The following HEXB variants were observed in gnomAD, a reference collection of about 807,000 sequenced individuals.
HEXB encodes the protein hexosaminidase subunit beta.
A neutral mutation model predicts 71.2 loss-of-function variants in HEXB; 51 were observed. The observed-to-expected ratio is 0.72, with a 90% CI of 0.57 to 0.90. HEXB has a LOEUF of 0.90. Ranked by LOEUF, HEXB falls within the 40% of genes least tolerant of loss-of-function variation. The probability of loss-of-function intolerance (pLI) is 0.00; values close to 1 mark genes in which losing one functional copy is unlikely to be tolerated. For missense variants in HEXB, 617 were observed against 677.0 expected (o/e 0.91, Z 0.98); for synonymous variants, 266 against 249.3 (o/e 1.07, Z -0.63).
chr5:74,686,188 TCTCC>T (rs748143930), intron 1 of HEXB, among the ~76,000 whole-genome samples: 18 of 152,154 alleles, frequency 1.2e-4, no homozygotes, highest in South Asian at 4.1e-4. Context: ...TGTTGCCTGC[TCTCC>T]CTGCTTCCTC....
rs181015637 is a variant in HEXB at position 74,656,753 on chromosome 5, A to C, written c.-377+16195A>C. On this transcript the variant is annotated intron_variant, in intron 1 of 13. Coordinates refer to the HEXB transcript ENST00000511181. ...CAGCCTCCTGAGGAGCTGGGATTAC[A>C]GGCACATGCCACCACACCCAGCTAA... 1.4e-3 allele frequency among the ~76,000 whole-genome samples: 211 copies of C among 152,216 alleles called. 1 individual carries two copies. Among genetic ancestry groups the C allele is most frequent in the African/African-American group, 4.7e-3 (196 of 41,554 alleles).
upstream of HEXB, chr5:74,685,007 C>T (rs1748821879): frequency 4.0e-6 from 2 of 495,944 alleles, no homozygotes; most frequent in South Asian, 6.1e-5. Flanking sequence ...CTTTAGCCAT[C>T]CCGTGTTTGA....
chr5:74,665,876 A>G (rs1748423240), intron 1 of HEXB, among the ~76,000 whole-genome samples: 1 of 152,196 alleles, frequency 6.6e-6, no homozygotes, highest in Non-Finnish European at 1.5e-5. Context: ...CACATCAACA[A>G]TTCTCAGTCA....
chr5:74,685,669 T>G, intron 1 of HEXB, 110 bp downstream of exon 1: 1 of 995,032 alleles, frequency 1.0e-6, no homozygotes, highest in South Asian at 1.7e-5. Context: ...AGAAACCGCC[T>G]GGGAGCTGGC....
chr5:74,697,234 C>T (rs1749133520), intron 5 of HEXB, 128 bp downstream of exon 5: 2 of 671,206 alleles, frequency 3.0e-6, no homozygotes, highest in South Asian at 3.3e-5. Context: ...GCATTCTTTC[C>T]TCAGTTCCTA....
intron 6 of HEXB, among the ~76,000 whole-genome samples, chr5:74,708,185 A>C (rs1749450924): frequency 6.6e-6 from 1 of 151,750 alleles, no homozygotes; most frequent in Non-Finnish European, 1.5e-5. Context: ...ATATCCAGCC[A>C]AACTAAGCTT....
At chr5:74,671,195 T>C (rs1256816169) in intron 1 of HEXB, among the ~76,000 whole-genome samples, 1 of 152,024 alleles carries the variant, frequency 6.6e-6, no homozygotes, top group African/African-American at 2.4e-5. Flanking sequence ...CCAAGACCCA[T>C]AAAAATAATA....
intron 1 of HEXB, among the ~76,000 whole-genome samples, chr5:74,663,336 G>C (rs781328274): frequency 6.6e-6 from 1 of 151,596 alleles, no homozygotes; most frequent in African/African-American, 2.4e-5. Context: ...GAGTACAGGC[G>C]CCCGCCACCA....
At position 74,655,953 on chromosome 5, in the gene HEXB, A is replaced by C. The variant is rs542614694; in HGVS notation, c.-377+15395A>C. Among the ~76,000 whole-genome samples, 18 of 152,330 alleles carry C rather than the reference A, an allele frequency of 1.2e-4. No individual in the cohort carries two copies. In the South Asian group the frequency reaches 3.7e-3, roughly 32 times the overall value. On this transcript the variant is annotated intron_variant, in intron 1 of 13. Coordinates refer to the HEXB transcript ENST00000511181. ...GATGACAGTCACATAAATATTCTGA[A>C]GTGACATAATTCTTCAAGGAAAAGG...
intron 5 of HEXB, among the ~76,000 whole-genome samples, chr5:74,703,862 A>G (rs1390280370): frequency 6.6e-6 from 1 of 152,176 alleles, no homozygotes; most frequent in Non-Finnish European, 1.5e-5. Flanking sequence ...ATTTTTTAGT[A>G]GAGATAGGGT....
chr5:74,720,144 A>G (rs1323668896), intron 11 of HEXB: 2 of 411,770 alleles, frequency 4.9e-6, no homozygotes, highest in South Asian at 5.4e-5. Context: ...AACCAAAATA[A>G]AACTGTTTAA....
chr5:74,651,935 T>C (rs535921005), intron 1 of HEXB, among the ~76,000 whole-genome samples: 2 of 152,204 alleles, frequency 1.3e-5, no homozygotes, highest in Non-Finnish European at 2.9e-5. Context: ...AATTCGAACA[T>C]GCCAGCACAA....
Position 74,661,513 on chromosome 5 carries a change from C to G in HEXB, c.-377+20955C>G, listed in dbSNP as rs10038959. ...AGTCATGAATTCATTTTCTCTCTCT[C>G]TGTGTGTGTGTGTGTGTGTGTGTGT... On this transcript the variant is annotated intron_variant, in intron 1 of 13. Coordinates refer to the HEXB transcript ENST00000511181. Among the ~76,000 whole-genome samples, 910 of 84,886 alleles carry G rather than the reference C, an allele frequency of 0.011. 32 individuals carry two copies. In the East Asian group the frequency reaches 0.18, roughly 16 times the overall value. The allele number at this position is 84,886 out of a possible 152,430, so 55.7% of individuals were successfully genotyped here.
intron 1 of HEXB, among the ~76,000 whole-genome samples, chr5:74,654,990 G>C (rs1561202385): frequency 6.6e-6 from 1 of 152,174 alleles, no homozygotes; most frequent in Admixed American, 6.5e-5. Context: ...CCTGAAGCTG[G>C]TGTTTGACCT....
intron 11 of HEXB, among the ~76,000 whole-genome samples, chr5:74,719,387 TTG>T (rs1176805092): frequency 1.3e-5 from 2 of 152,174 alleles, no homozygotes; most frequent in African/African-American, 4.8e-5. Context: ...TCAGGCTGTG[TTG>T]TCTTAGGATT....
chr5:74,714,574 C>T (rs1209306848), intron 7 of HEXB, among the ~76,000 whole-genome samples: 1 of 152,182 alleles, frequency 6.6e-6, no homozygotes, highest in Non-Finnish European at 1.5e-5. Context: ...TGATTAAGAA[C>T]TTTGGCTTTG....
chr5:74,663,329 T>C (rs374569456), intron 1 of HEXB, among the ~76,000 whole-genome samples: 37 of 151,910 alleles, frequency 2.4e-4, no homozygotes, highest in East Asian at 2.1e-3. Flanking sequence ...TAGCTGGGAG[T>C]ACAGGCGCCC....
chr5:74,658,045 C>A (rs1459533346), intron 1 of HEXB, among the ~76,000 whole-genome samples: 7 of 152,172 alleles, frequency 4.6e-5, no homozygotes, highest in African/African-American at 1.7e-4. Context: ...TGTCTACTGC[C>A]TGTGAATCCC....
rs983564151 is a variant in HEXB at position 74,648,528 on chromosome 5, C to T, written c.-377+7970C>T. 2.6e-5 allele frequency among the ~76,000 whole-genome samples: 4 copies of T among 151,438 alleles called. No individual in the cohort carries two copies. The East Asian group carries it at 7.7e-4, about 29-fold the overall frequency. On this transcript the variant is annotated intron_variant, in intron 1 of 13. Transcript: ENST00000511181. ...TATTTTCTGTTCTTCAGCTTTACCC[C>T]ACAGTTATATTGCCCTTATACTGTC...
Sources: gnomAD v4.1 joint callset for allele counts (sites outside exome capture counted in the v4.1 genomes callset) on GRCh38, gnomAD v4.1.1 for gene constraint, MANE v1.5 for transcripts, NCBI Gene and HGNC (gene_info 2026-07-23, HGNC 2026-07-21) for gene names.